BBS9: variants seen among roughly 807,000 people sequenced by gnomAD.
BBS9 encodes protein PTHB1.
In BBS9, 89 loss-of-function variants were observed where a neutral mutation model predicts 117.7. The observed-to-expected ratio is 0.76, with a 90% CI of 0.64 to 0.90. The LOEUF (loss-of-function observed/expected upper bound fraction) is 0.90, where lower values mean the gene tolerates loss of function less well. BBS9 is among the 40% of genes least tolerant of loss of function. The pLI, the probability that BBS9 is intolerant of heterozygous loss-of-function variation, is 0.00. For missense variants in BBS9, 982 were observed against 1,042.2 expected, an observed-to-expected ratio of 0.94 and a Z score of 0.80; for synonymous variants, 379 against 370.9, an observed-to-expected ratio of 1.02 and a Z score of -0.25.
At chr7:33,155,882 C>T (rs1431042579) in intron 4 of BBS9, among the ~76,000 whole-genome samples, 180 bp downstream of exon 4, 2 of 152,126 alleles carry the variant, frequency 1.3e-5, no homozygotes, top group African/African-American at 4.8e-5. Flanking sequence ...TAGGCTATTA[C>T]ATTTTCATGG....
chr7:33,620,878 A>G (rs1865371634), intron 21 of BBS9, among the ~76,000 whole-genome samples: 1 of 152,192 alleles, frequency 6.6e-6, no homozygotes, highest in Admixed American at 6.5e-5. Flanking sequence ...ATTGTACTGC[A>G]ATAAATACAG....
At chr7:33,405,289 A>G (rs1288484435) in intron 19 of BBS9, among the ~76,000 whole-genome samples, 1 of 152,126 alleles carries the variant, frequency 6.6e-6, no homozygotes, top group Non-Finnish European at 1.5e-5. Flanking sequence ...CATCAAGGAT[A>G]TTGGTCTAAA....
chr7:33,463,159 C>T (rs1324982371), intron 19 of BBS9, among the ~76,000 whole-genome samples: 3 of 152,018 alleles, frequency 2.0e-5, no homozygotes, highest in Admixed American at 2.0e-4. Context: ...ATTTAGTTAT[C>T]ACTGCCAGAG....
rs112873372 is a variant in BBS9, at chr7:33,466,104, C to T, written c.2116-39359C>T. ...TACACACATTGTGAAATGGTTACCACCATCAAACTAGTTAACATATGCATC... is the reference window on the plus strand; with the variant it reads ...TACACACATTGTGAAATGGTTACCATCATCAAACTAGTTAACATATGCATC... On this transcript the variant is annotated intron_variant, in intron 19 of 22. Coordinates refer to ENST00000242067, the MANE Select transcript of BBS9 (RefSeq NM_198428.3). 2.0e-3 allele frequency among the ~76,000 whole-genome samples: 308 copies of T among 152,164 alleles called. 6 individuals are homozygous for T. In the South Asian group the frequency reaches 0.039, roughly 19 times the overall value.
At chr7:33,631,123 T>G (rs774435561) in intron 21 of BBS9, among the ~76,000 whole-genome samples, 14 of 152,128 alleles carry the variant, frequency 9.2e-5, no homozygotes, top group Admixed American at 3.3e-4. Context: ...ACTGAGGCCC[T>G]GAGACCAGGA....
chr7:33,430,770 G>A (rs1174878565), intron 19 of BBS9, among the ~76,000 whole-genome samples: 4 of 152,174 alleles, frequency 2.6e-5, no homozygotes, highest in African/African-American at 7.2e-5. Flanking sequence ...TGAGTGTTTC[G>A]ATCATAAGAA....
rs1018735951 is a variant in BBS9 at position 33,559,876 on chromosome 7, T to C, written c.2521+25700T>C. The stretch of plus-strand genomic sequence containing the variant: ...TCTGCAGCTTCCAGAAGGATGCATA[T>C]TCTCCTTTGTTCCCAGATCTCCCTG... On this transcript the variant is annotated intron_variant, in intron 21 of 22. Coordinates refer to ENST00000242067, the MANE Select transcript of BBS9 (RefSeq NM_198428.3). Among the ~76,000 whole-genome samples the C allele has an allele frequency of 2.6e-5, 4 of 152,126 alleles. No homozygotes were observed. The East Asian group carries it at 7.7e-4, about 29-fold the overall frequency.
intron 21 of BBS9, among the ~76,000 whole-genome samples, chr7:33,588,702 A>C (rs1861369930): frequency 6.6e-6 from 1 of 152,156 alleles, no homozygotes; most frequent in South Asian, 2.1e-4. Flanking sequence ...TCATAATTTC[A>C]AATTGGGTGG....
chr7:33,323,789 T>C (rs1812216331), intron 9 of BBS9, among the ~76,000 whole-genome samples: 1 of 151,160 alleles, frequency 6.6e-6, no homozygotes, highest in Admixed American at 6.6e-5. Context: ...TTTTGTTCTG[T>C]GGTTTCTGGT....
chr7:33,339,948 G>A (rs1313447410), intron 10 of BBS9, among the ~76,000 whole-genome samples: 1 of 151,730 alleles, frequency 6.6e-6, no homozygotes, highest in Admixed American at 6.6e-5. Context: ...TGGATGTTAA[G>A]TAGGTAGCCA....
intron 19 of BBS9, among the ~76,000 whole-genome samples, chr7:33,389,989 T>G (rs1342311410): frequency 6.6e-6 from 1 of 152,208 alleles, no homozygotes; most frequent in Non-Finnish European, 1.5e-5. Context: ...GTGTGTGTGC[T>G]GGGGTAATTA....
rs556174158 is a variant in BBS9 at position 33,624,457 on chromosome 7, T to C, written c.2522-10720T>C. Among the ~76,000 whole-genome samples, 7 of 152,348 alleles carry C rather than the reference T, an allele frequency of 4.6e-5. No individual in the cohort carries two copies. The South Asian group carries it at 1.4e-3, about 32-fold the overall frequency. The stretch of plus-strand genomic sequence containing the variant: ...ATCCCATCTGTATCTCCTCATCCTG[T>C]AAACATTCTGTTTGGCAGTACTGTT... On this transcript the variant is annotated intron_variant, in intron 21 of 21. Coordinates refer to the BBS9 transcript ENST00000671952.
At chr7:33,246,021 A>G (rs1432978197) in intron 5 of BBS9, among the ~76,000 whole-genome samples, 2 of 152,128 alleles carry the variant, frequency 1.3e-5, no homozygotes, top group Non-Finnish European at 2.9e-5. Context: ...GTGGGTTGAT[A>G]ACATGATTGC....
chr7:33,311,853 G>A (rs1809318646), intron 9 of BBS9, among the ~76,000 whole-genome samples: 1 of 151,724 alleles, frequency 6.6e-6, no homozygotes, highest in South Asian at 2.1e-4. Context: ...ACCTTCCAGT[G>A]GCATAAAAGC....
At chr7:33,402,717 A>G (rs552355052) in intron 19 of BBS9, among the ~76,000 whole-genome samples, 149 of 152,304 alleles carry the variant, frequency 9.8e-4, no homozygotes, top group Non-Finnish European at 1.7e-3. Context: ...TCTTAGAATC[A>G]GGCAGTACCT....
At chr7:33,628,207 T>C (rs1865731818) in intron 21 of BBS9, among the ~76,000 whole-genome samples, 1 of 151,974 alleles carries the variant, frequency 6.6e-6, no homozygotes, top group Non-Finnish European at 1.5e-5. Context: ...AAAAACAGTA[T>C]TTAGGAAACA....
At position 33,497,426 on chromosome 7, in the gene BBS9, A is replaced by T. The variant is rs538532625; in HGVS notation, c.2116-8037A>T. Reference sequence around the variant, plus strand: ...TACCTCGTACTGGAAAATTGTGGGCATGTTGGGGTCTTATCAGCTGATATT... The same window carrying T: ...TACCTCGTACTGGAAAATTGTGGGCTTGTTGGGGTCTTATCAGCTGATATT... On this transcript the variant is annotated intron_variant, in intron 19 of 22. Coordinates refer to ENST00000242067, the MANE Select transcript of BBS9 (RefSeq NM_198428.3). 1.1e-4 allele frequency among the ~76,000 whole-genome samples: 16 copies of T among 152,264 alleles called. 1 individual carries two copies. The highest frequency in any genetic ancestry group is 3.8e-4 in the African/African-American group (16 of 41,564).
intron 7 of BBS9, among the ~76,000 whole-genome samples, 170 bp downstream of exon 7, chr7:33,264,544 A>G (rs138033526): frequency 2.3e-4 from 35 of 152,230 alleles, no homozygotes; most frequent in African/African-American, 8.4e-4. Context: ...TTGTTGAGCA[A>G]TGGAAACACA....
At chr7:33,610,506 A>G (rs529895005), downstream of BBS9, among the ~76,000 whole-genome samples, 1 of 152,194 alleles carries the variant, frequency 6.6e-6, no homozygotes, top group African/African-American at 2.4e-5. Flanking sequence ...AAGAGCCAAG[A>G]GAGGGCAAGA....
Sources: gnomAD v4.1 joint callset for allele counts (sites outside exome capture counted in the v4.1 genomes callset) on GRCh38, gnomAD v4.1.1 for gene constraint, MANE v1.5 for transcripts, NCBI Gene and HGNC (gene_info 2026-07-23, HGNC 2026-07-21) for gene names.